Variants in BNC1 observed in about 807,000 individuals in gnomAD.
The protein encoded by BNC1 is zinc finger protein basonuclin-1.
Under a neutral mutation model 66.5 loss-of-function variants are expected in BNC1, and 8 were observed. That is an observed-to-expected ratio of 0.12 (90% CI 0.07 to 0.22). The LOEUF is 0.22. Among genes scored for constraint, BNC1 ranks in the 10% least tolerant of loss-of-function variants. The probability of loss-of-function intolerance (pLI) is 1.00; values close to 1 mark genes in which losing one functional copy is unlikely to be tolerated. For synonymous variants in BNC1, 454 were observed against 452.6 expected, an observed-to-expected ratio of 1.00 and a Z score of -0.04; for missense variants, 1,069 against 1,241.3, an observed-to-expected ratio of 0.86 and a Z score of 2.09.
chr15:83,270,107 T>C (rs185999816), intron 1 of BNC1, among the ~76,000 whole-genome samples: 1 of 152,302 alleles, frequency 6.6e-6, no homozygotes, highest in East Asian at 1.9e-4. Context: ...TGCTAGTGGG[T>C]AGTAGTTGGA....
chr15:83,271,828 T>C (rs1208269243), intron 1 of BNC1, among the ~76,000 whole-genome samples: 13 of 152,218 alleles, frequency 8.5e-5, no homozygotes. Flanking sequence ...CATATACACA[T>C]ACAAATGTAT....
chr15:83,270,366 T>C (rs1222416447), intron 1 of BNC1, among the ~76,000 whole-genome samples: 1 of 152,242 alleles, frequency 6.6e-6, no homozygotes, highest in Non-Finnish European at 1.5e-5. Context: ...CTAGAACTAC[T>C]GGATTGCATA....
rs2038237798 is a variant in BNC1, at chr15:83,268,365, C to T, written c.100-133G>A. The T allele has an allele frequency of 9.1e-6, 7 of 770,912 alleles. No homozygotes were observed. The South Asian group carries it at 1.2e-4, about 13-fold the overall frequency. 47.8% of individuals were successfully genotyped at this position (770,912 alleles called of 1,614,324 possible). A position where few individuals can be genotyped will look rare whatever the true frequency, so the allele number is the denominator to read the frequency against. ...ATATGTGCCCACTGTGTGCCAGGCC[C>T]AGAAGTGTATATTGTACTCTGGAAA... On this transcript the variant is annotated intron_variant, in intron 1 of 4. Coordinates refer to ENST00000345382, the MANE Select transcript of BNC1 (RefSeq NM_001717.4).
chr15:83,277,529 T>A (rs2038337007), intron 1 of BNC1, among the ~76,000 whole-genome samples: 1 of 152,198 alleles, frequency 6.6e-6, no homozygotes, highest in Non-Finnish European at 1.5e-5. Flanking sequence ...CAGGATGGTC[T>A]CTATCTCCTG....
In BNC1 at chr15:83,257,586, G is replaced by A. The variant is rs774325780; in HGVS notation, c.2841C>T (p.Tyr947=). 1.9e-6 allele frequency: 3 copies of A among 1,614,024 alleles called. No individual in the cohort carries two copies. Among genetic ancestry groups the A allele is most frequent in the Non-Finnish European group, 2.5e-6 (3 of 1,180,034 alleles). Residue 947 remains tyrosine (Y), a synonymous_variant, in exon 5 of 5, where the codon TAC becomes TAT. Transcript: ENST00000345382. ...YSNKGTFRAH[Y]KTVHLRQLHK... Reference sequence around the variant, plus strand: ...GGAGCTGCCGGAGGTGCACAGTTTTGTAGTGGGCCCTAAAGGTCCCTTTGT... The same window carrying A: ...GGAGCTGCCGGAGGTGCACAGTTTTATAGTGGGCCCTAAAGGTCCCTTTGT...
Position 83,263,468 on chromosome 15 carries a change from A to G in BNC1, c.1783T>C (p.Ser595Pro). ...HRVSEEQHVQ[S>P]GGLGKPFPEG... ...GGGAAAGGCTTCCCTAAGCCTCCTG[A>G]CTGTACATGCTGCTCCTCAGATACT... is the stretch of plus-strand genomic sequence containing the variant. Residue 595 changes from serine to proline, a missense_variant, in exon 4 of 5, where the codon TCA becomes CCA. By Grantham distance (74) the Ser-to-Pro change is moderately conservative (BLOSUM62 -1). Transcript: ENST00000345382. The G allele has an allele frequency of 6.2e-7, 1 of 1,614,086 alleles. No homozygotes were observed.
intron 1 of BNC1, among the ~76,000 whole-genome samples, chr15:83,277,749 C>A (rs1337317843): frequency 1.3e-5 from 2 of 152,126 alleles, no homozygotes; most frequent in Non-Finnish European, 2.9e-5. Context: ...AGGTGGAGAG[C>A]CTGGCTTCAC....
rs189311441 is a variant in BNC1 at position 83,263,740 on chromosome 15, G to T, written c.1511C>A (p.Thr504Lys). 1.9e-6 allele frequency: 3 copies of T among 1,614,066 alleles called. No homozygotes were observed. Among genetic ancestry groups the T allele is most frequent in the Non-Finnish European group, 2.5e-6 (3 of 1,180,038 alleles). The change falls in exon 4 of 5, where the codon ACG (threonine) becomes AAG (lysine). Residue 504 changes from threonine to lysine, a missense_variant. By Grantham distance (78) the Thr-to-Lys change is moderately conservative. Around this residue, in one of 7 missense-constraint regions of BNC1, gnomAD observed 657 missense variants for 715.8 expected, o/e 0.92. Transcript: ENST00000345382. ...CGGGAGGGAAGGGAGTATCCCAGGC[G>T]TGTTTGCTACCTCGGCAGGCGTGGC... ...SPATPAEVANTPGILPSLPLL... is the reference protein window; with the variant it reads ...SPATPAEVANKPGILPSLPLL...
chr15:83,272,394 C>CTTTTTTTTTTTTTTTTTT (rs750429207), intron 1 of BNC1, among the ~76,000 whole-genome samples: 96 of 122,674 alleles, frequency 7.8e-4, no homozygotes, highest in African/African-American at 2.5e-3. Context: ...CCACACCTGG[C>CTTTTTTTTTTTTTTTTTT]TTTTTTTTTT....
intron 1 of BNC1, chr15:83,283,527 G>A: frequency 1.0e-6 from 1 of 985,278 alleles, no homozygotes; most frequent in South Asian, 4.7e-5. Context: ...GACTGTTAAG[G>A]GAGCTCGAAG....
rs1006063522 is a variant in BNC1 at position 83,256,910 on chromosome 15, G to A, written c.*532C>T. ...TATGAGACCTCTGGTGCAGGGCTGA[G>A]GGGAGGGACAATTATCCACTCCAAA... On this transcript the variant is annotated 3_prime_UTR_variant, in exon 5 of 5. Coordinates refer to ENST00000345382, the MANE Select transcript of BNC1 (RefSeq NM_001717.4). 6.4e-6 allele frequency: 1 copy of A among 155,572 alleles called. No individual in the cohort carries two copies. Among genetic ancestry groups the A allele is most frequent in the African/African-American group, 2.4e-5 (1 of 41,434 alleles). The allele number at this position is 155,572 out of a possible 1,614,324, so 9.6% of individuals were successfully genotyped here.
At position 83,257,845 on chromosome 15, in the gene BNC1, G is replaced by A; in HGVS notation, c.2582C>T (p.Thr861Ile). The part of the protein sequence containing the change: ...SEGTILDLST[T>I]SSMKSESSSH... The stretch of plus-strand genomic sequence containing the variant: ...GCTACTCTCTGACTTCATGCTCGAG[G>A]TAGTGCTCAAATCCAGGATGGTGCC... The change falls in exon 5 of 5, where the codon ACC becomes ATC. Residue 861 changes from threonine to isoleucine, a missense_variant. Physicochemically the swap from Thr to Ile is moderately conservative, Grantham distance 89 (BLOSUM62 -1). This residue lies in a region of BNC1 where 657 missense variants were observed against 715.8 expected (regional missense o/e 0.92). Transcript: ENST00000345382. 1.9e-6 allele frequency: 3 copies of A among 1,614,168 alleles called. No homozygotes were observed. Among genetic ancestry groups the A allele is most frequent in the Non-Finnish European group, 2.5e-6 (3 of 1,180,042 alleles).
Position 83,284,595 on chromosome 15 carries a change from C to G in BNC1, c.34G>C (p.Gly12Arg), listed in dbSNP as rs1329960519. The G allele has an allele frequency of 9.7e-7, 1 of 1,026,438 alleles. No homozygotes were observed. The highest frequency in any genetic ancestry group is 1.7e-5 in the African/African-American group (1 of 57,658). 63.6% of individuals were successfully genotyped at this position (1,026,438 alleles called of 1,614,324 possible). A position where few individuals can be genotyped will look rare whatever the true frequency, so the allele number is the denominator to read the frequency against. The change falls in exon 1 of 5, where the codon GGG becomes CGG. Residue 12 changes from glycine to arginine, a missense_variant. This residue lies in a region of BNC1 where 78 missense variants were observed against 80.9 expected (regional missense o/e 0.96). Coordinates refer to ENST00000345382, the MANE Select transcript of BNC1 (RefSeq NM_001717.4). ...RRRPPSRGGR[G>R]AARARETRRQ... is the part of the protein sequence containing the mutation. ...CGCGTCTCCCGGGCCCGGGCCGCCC[C>G]GCGTCCGCCCCGGCTCGGCGGGCGC...
chr15:83,278,818 C>G (rs2038351460), intron 1 of BNC1, among the ~76,000 whole-genome samples: 1 of 152,050 alleles, frequency 6.6e-6, no homozygotes, highest in South Asian at 2.1e-4. Flanking sequence ...TTACTCAACT[C>G]CAATTTAAGA....
Position 83,263,773 on chromosome 15 carries a change from C to A in BNC1, c.1478G>T (p.Arg493Leu). The stretch of plus-strand genomic sequence containing the variant: ...TACCTCGGCAGGCGTGGCTGGACTG[C>A]GGTAGAAAGGAAGGACTGGCTGGAC... The part of the protein sequence containing the change: ...KTVQPVLPFY[R>L]SPATPAEVAN... The change falls in exon 4 of 5, where the codon CGC becomes CTC. Residue 493 changes from arginine to leucine, a missense_variant. By Grantham distance (102) the Arg-to-Leu change is moderately radical (BLOSUM62 -2). This residue lies in a region of BNC1 where 657 missense variants were observed against 715.8 expected (regional missense o/e 0.92). Coordinates refer to ENST00000345382, the MANE Select transcript of BNC1 (RefSeq NM_001717.4). 2.5e-6 allele frequency: 4 copies of A among 1,614,088 alleles called. No individual in the cohort carries two copies. Among genetic ancestry groups the A allele is most frequent in the Non-Finnish European group, 3.4e-6 (4 of 1,180,014 alleles).
chr15:83,260,173 C>T (rs1251140981), intron 4 of BNC1, among the ~76,000 whole-genome samples: 1 of 152,084 alleles, frequency 6.6e-6, no homozygotes, highest in Admixed American at 6.5e-5. Context: ...TTTTCAGAGG[C>T]TACGTAACAC....
chr15:83,280,370 GA>G (rs2038365563), intron 1 of BNC1, among the ~76,000 whole-genome samples: 2 of 152,052 alleles, frequency 1.3e-5, no homozygotes, highest in African/African-American at 2.4e-5. Context: ...TCAGCCTGAG[GA>G]AAAAAATACA....
In BNC1 at chr15:83,257,783, CCTCA is replaced by C; in HGVS notation, c.2640_2643del (p.Ser880ArgfsTer31). The C allele has an allele frequency of 6.2e-7, 1 of 1,614,142 alleles. No individual in the cohort carries two copies. The highest frequency in any genetic ancestry group is 8.5e-7 in the Non-Finnish European group (1 of 1,180,016). On this transcript the variant is annotated frameshift_variant, in exon 5 of 5. Coordinates refer to ENST00000345382, the MANE Select transcript of BNC1 (RefSeq NM_001717.4). LOFTEE classifies it high-confidence loss of function. ...CTGTCCTCCATAAGCACAGTGCCTT[CCTCA>C]CTCACCCCGTCAGAGTCCCAGGAAG...
chr15:83,272,911 G>A (rs572952809), intron 1 of BNC1, among the ~76,000 whole-genome samples: 4 of 152,250 alleles, frequency 2.6e-5, no homozygotes, highest in Admixed American at 2.0e-4. Context: ...CTACAAACCA[G>A]ATGCCAGTTA....
Sources: allele counts gnomAD v4.1 joint callset (sites outside exome capture counted in the v4.1 genomes callset), GRCh38; gene constraint gnomAD v4.1.1; regional missense constraint gnomAD v4.1.1; transcripts MANE v1.5; gene names NCBI Gene and HGNC (gene_info 2026-07-23, HGNC 2026-07-21).